Variants in BRCA1 observed in about 807,000 individuals in gnomAD.
BRCA1 encodes BRCA1 DNA repair associated, also known as breast cancer type 1 susceptibility protein.
BRCA1 carries 140 observed loss-of-function variants against 173.7 expected under a neutral mutation model. The ratio of observed to expected loss-of-function variants is 0.81; its 90% CI spans 0.70 to 0.93. The LOEUF is 0.93. Ranked by LOEUF, BRCA1 falls within the 40% of genes least tolerant of loss-of-function variation. The pLI is 0.00. For missense variants in BRCA1, 1,983 were observed against 2,172.5 expected, an observed-to-expected ratio of 0.91 and a Z score of 1.73; for synonymous variants, 662 against 756.0, an observed-to-expected ratio of 0.88 and a Z score of 2.04.
chr17:43,158,091 A>C (rs1025826866), intron 1 of BRCA1, among the ~76,000 whole-genome samples: 1 of 152,178 alleles, frequency 6.6e-6, no homozygotes, highest in African/African-American at 2.4e-5. Context: ...ATAAAAATTT[A>C]GCATTAACTT....
At chr17:43,057,592 T>G (rs2051558177) in intron 18 of BRCA1, among the ~76,000 whole-genome samples, 1 of 151,192 alleles carries the variant, frequency 6.6e-6, no homozygotes, top group African/African-American at 2.4e-5. Context: ...TCCCAGGACT[T>G]TGGGAGGCCG....
intron 12 of BRCA1, among the ~76,000 whole-genome samples, chr17:43,081,323 C>T (rs1426526794): frequency 6.6e-6 from 1 of 152,200 alleles, no homozygotes; most frequent in African/African-American, 2.4e-5. Flanking sequence ...GCCATAGCAA[C>T]AGAGTTTCTA....
At chr17:43,151,766 C>T (rs1172210676) in intron 1 of BRCA1, among the ~76,000 whole-genome samples, 6 of 152,158 alleles carry the variant, frequency 3.9e-5, no homozygotes, top group Non-Finnish European at 5.9e-5. Flanking sequence ...CATGGTGGCA[C>T]GCCCCTGTCC....
At chr17:43,146,607 C>T (rs1214177115) in intron 1 of BRCA1, among the ~76,000 whole-genome samples, 2 of 151,484 alleles carry the variant, frequency 1.3e-5, no homozygotes, top group Non-Finnish European at 1.5e-5. Context: ...GAAACCTGGC[C>T]GATTTTTGTT....
chr17:43,045,974 G>A (rs1422237170), intron 22 of BRCA1, among the ~76,000 whole-genome samples, 172 bp from the exon 23 acceptor site: 4 of 150,060 alleles, frequency 2.7e-5, no homozygotes, highest in Non-Finnish European at 4.4e-5. Context: ...CGAGGCTAGA[G>A]TGTGATGGCG....
At chr17:43,138,814 C>T (rs1297817060) in intron 1 of BRCA1, 1 of 778,916 alleles carries the variant, frequency 1.3e-6, no homozygotes, top group East Asian at 2.4e-5. Context: ...GTCAGCTGGA[C>T]TCCATACTCC....
upstream of BRCA1, among the ~76,000 whole-genome samples, chr17:43,126,356 C>T (rs1188049105): frequency 4.6e-5 from 7 of 152,198 alleles, no homozygotes; most frequent in Non-Finnish European, 2.9e-5. Context: ...TAGTTACTGT[C>T]TTTGTCCGCC....
Position 43,092,366 on chromosome 17 carries a change from G to A in BRCA1, c.3165C>T (p.Gly1055=), listed in dbSNP as rs1399306338. ...TGGAACCTATTTCATTAATACTGGA[G>A]CCCACTTCATTAGTACTGGAACCTA... ...NEVGSSTNEV[G]SSINEIGSSD... is the part of the protein sequence containing the mutation. Residue 1055 remains glycine (G), a synonymous_variant, in exon 10 of 23, where the codon GGC becomes GGT. Coordinates refer to ENST00000357654, the MANE Select transcript of BRCA1 (RefSeq NM_007294.4). The A allele has an allele frequency of 6.2e-7, 1 of 1,613,712 alleles. No individual in the cohort carries two copies. Among genetic ancestry groups the A allele is most frequent in the Non-Finnish European group, 8.5e-7 (1 of 1,179,916 alleles).
At chr17:43,046,925 G>A (rs928241392) in intron 22 of BRCA1, among the ~76,000 whole-genome samples, 1 of 152,104 alleles carries the variant, frequency 6.6e-6, no homozygotes, top group African/African-American at 2.4e-5. Context: ...GTAATTTAAC[G>A]ATGTGGAAAA....
chr17:43,126,385 A>AG (rs985117724), upstream of BRCA1, among the ~76,000 whole-genome samples: 1 of 152,204 alleles, frequency 6.6e-6, no homozygotes, highest in African/African-American at 2.4e-5. Flanking sequence ...TTCACCCCAC[A>AG]GAGATAGCGG....
At chr17:43,103,438 G>A (rs2054578395) in intron 6 of BRCA1, among the ~76,000 whole-genome samples, 1 of 149,998 alleles carries the variant, frequency 6.7e-6, no homozygotes, top group African/African-American at 2.5e-5. Flanking sequence ...CTGCGCTCCA[G>A]CCTGGGCGAC....
rs2051674745 is a variant in BRCA1, at chr17:43,059,954, G to C, written c.5194-2819C>G. On this transcript the variant is annotated intron_variant, in intron 18 of 22. Transcript: ENST00000357654. The stretch of plus-strand genomic sequence containing the variant: ...GGAGTCTTGCTCTTTCGCCCAGCCT[G>C]GAGTGCAGTGGCGCAATCTCAGCTC... 2.6e-5 allele frequency among the ~76,000 whole-genome samples: 4 copies of C among 152,138 alleles called. No individual in the cohort carries two copies. The South Asian group carries it at 8.3e-4, about 32-fold the overall frequency.
chr17:43,059,204 C>T (rs2051639022), intron 18 of BRCA1, among the ~76,000 whole-genome samples: 1 of 152,144 alleles, frequency 6.6e-6, no homozygotes, highest in African/African-American at 2.4e-5. Flanking sequence ...TGGCTCACAC[C>T]TGCAATCCCA....
intron 19 of BRCA1, among the ~76,000 whole-genome samples, chr17:43,053,205 C>T (rs1003929276): frequency 2.0e-5 from 3 of 152,178 alleles, no homozygotes; most frequent in South Asian, 4.1e-4. Context: ...ATGAATAAAC[C>T]GCACCCCCAA....
At chr17:43,118,348 T>A (rs2154568170) in intron 2 of BRCA1, among the ~76,000 whole-genome samples, 1 of 152,252 alleles carries the variant, frequency 6.6e-6, no homozygotes, top group South Asian at 2.1e-4. Flanking sequence ...TAGGCTATTT[T>A]AAATCTTTAG....
At chr17:43,122,209 G>C (rs1047141402) in intron 2 of BRCA1, among the ~76,000 whole-genome samples, 1 of 152,124 alleles carries the variant, frequency 6.6e-6, no homozygotes, top group Non-Finnish European at 1.5e-5. Context: ...TCATAAAGCA[G>C]AAAAGAATTT....
intron 11 of BRCA1, among the ~76,000 whole-genome samples, chr17:43,084,079 G>A (rs1476247587): frequency 6.6e-6 from 1 of 150,486 alleles, no homozygotes; most frequent in East Asian, 1.9e-4. Flanking sequence ...TGCCCAGGCT[G>A]GAGTGCAGTG....
At chr17:43,110,973 C>T (rs1465709216) in intron 3 of BRCA1, among the ~76,000 whole-genome samples, 2 of 151,508 alleles carry the variant, frequency 1.3e-5, no homozygotes, top group African/African-American at 2.4e-5. Flanking sequence ...TGGTGGTGCA[C>T]GCCTGTAATC....
At chr17:43,098,215 G>A (rs1273197488) in intron 7 of BRCA1, among the ~76,000 whole-genome samples, 1 of 151,816 alleles carries the variant, frequency 6.6e-6, no homozygotes, top group Non-Finnish European at 1.5e-5. Flanking sequence ...TTTTTTTGTA[G>A]AGATGAGGTC....
Sources: allele counts gnomAD v4.1 joint callset (sites outside exome capture counted in the v4.1 genomes callset), GRCh38; gene constraint gnomAD v4.1.1; transcripts MANE v1.5; gene names NCBI Gene and HGNC (gene_info 2026-07-23, HGNC 2026-07-21).